PES1: variants seen among roughly 807,000 people sequenced by gnomAD.
PES1 encodes pescadillo ribosomal biogenesis factor 1.
Under a neutral mutation model 77.1 loss-of-function variants are expected in PES1, and 31 were observed. That is an observed-to-expected ratio of 0.40 (90% confidence interval 0.30 to 0.54). PES1 has a LOEUF of 0.54. Among genes scored for constraint, PES1 ranks in the 20% least tolerant of loss-of-function variants. PES1 has a pLI of 0.45. For missense variants in PES1, 658 were observed against 771.7 expected, an observed-to-expected ratio of 0.85 and a Z score of 1.75; for synonymous variants, 282 against 303.0, an observed-to-expected ratio of 0.93 and a Z score of 0.72.
intron 2 of PES1, among the ~76,000 whole-genome samples, chr22:30,600,226 T>A (rs1723290532): frequency 6.6e-6 from 1 of 151,344 alleles, no homozygotes; most frequent in Non-Finnish European, 1.5e-5. Flanking sequence ...CCCAGCTACT[T>A]GGGAGGATGA....
At position 30,577,036 on chromosome 22, in the gene PES1, C is replaced by T; in HGVS notation, c.*10G>A. On this transcript the variant is annotated 3_prime_UTR_variant, in exon 15 of 15. Transcript: ENST00000354694. ...GGGCTGGCCTCAGCCCTGTGAGGGG[C>T]CGCAGGCACTCACTCCGGCCTTGCC... The T allele has an allele frequency of 6.2e-7, 1 of 1,610,648 alleles. No homozygotes were observed. Among genetic ancestry groups the T allele is most frequent in the African/African-American group, 1.3e-5 (1 of 74,984 alleles).
At chr22:30,594,419 C>A (rs1052380797), upstream of PES1, among the ~76,000 whole-genome samples, 4 of 151,954 alleles carry the variant, frequency 2.6e-5, no homozygotes, top group Non-Finnish European at 5.9e-5. Context: ...ACCAGCGAGG[C>A]CAAGGCAGAA....
upstream of PES1, chr22:30,592,493 T>C (rs1334293271): frequency 1.2e-6 from 1 of 824,618 alleles, no homozygotes; most frequent in African/African-American, 1.8e-5. Context: ...GGACTCGTGG[T>C]ATATTTAAAA....
upstream of PES1, among the ~76,000 whole-genome samples, chr22:30,595,997 G>C (rs1262056940): frequency 6.6e-6 from 1 of 152,164 alleles, no homozygotes; most frequent in African/African-American, 2.4e-5. Flanking sequence ...AAACCACATG[G>C]AAAGTTCAAA....
At chr22:30,580,433 T>C in intron 10 of PES1, 138 bp downstream of exon 10, 1 of 1,226,774 alleles carries the variant, frequency 8.2e-7, no homozygotes, top group Non-Finnish European at 1.2e-6. Flanking sequence ...CTCAGTGCGG[T>C]GCCGAGCACT....
chr22:30,596,351 T>C (rs931887077), upstream of PES1, among the ~76,000 whole-genome samples: 6 of 151,952 alleles, frequency 3.9e-5, no homozygotes, highest in Non-Finnish European at 8.8e-5. Context: ...TGTGTGTGTG[T>C]GTGTGCGTGT....
At chr22:30,581,728 G>A in intron 6 of PES1, 84 bp from the exon 7 acceptor site, 9 of 939,000 alleles carry the variant, frequency 9.6e-6, no homozygotes, top group Non-Finnish European at 1.5e-5. Flanking sequence ...AGTGGAGGGT[G>A]TCTGACCTAC....
rs764097051 is a variant in PES1 at position 30,587,444 on chromosome 22, GACA to G, written c.259-52_259-50del. 4 of 1,411,002 alleles carry G rather than the reference GACA, an allele frequency of 2.8e-6. No individual in the cohort carries two copies. The East Asian group carries it at 9.1e-5, about 32-fold the overall frequency. 87.4% of individuals were successfully genotyped at this position (1,411,002 alleles called of 1,614,324 possible). On this transcript the variant is annotated intron_variant, in intron 3 of 14. Transcript: ENST00000354694. ...TCAATGCTGAGGCTCAGGTCTCCTG[GACA>G]ACTTCTTCCATGGAAGATGGAAACG...
Position 30,600,541 on chromosome 22 carries a change from G to C in PES1, c.-661+4920C>G, listed in dbSNP as rs1602030496. ...CTATTAAATATAAAAATAAGGCCAG[G>C]TGTGGTGGCTCATGCCTGTAATCCC... On this transcript the variant is annotated intron_variant, in intron 2 of 16. Transcript: ENST00000402281. Among the ~76,000 whole-genome samples, 5 of 152,284 alleles carry C rather than the reference G, an allele frequency of 3.3e-5. No individual in the cohort carries two copies. The South Asian group carries it at 1.0e-3, about 32-fold the overall frequency.
intron 2 of PES1, among the ~76,000 whole-genome samples, chr22:30,603,271 C>G (rs1179970109): frequency 1.3e-5 from 2 of 152,090 alleles, no homozygotes; most frequent in Non-Finnish European, 2.9e-5. Context: ...TACCAGTCAT[C>G]CAGTGACCAC....
intron 6 of PES1, among the ~76,000 whole-genome samples, chr22:30,582,305 C>T (rs541506175): frequency 1.3e-4 from 20 of 152,330 alleles, no homozygotes; most frequent in Admixed American, 1.2e-3. Flanking sequence ...CTCCTTGGGC[C>T]CAAGCCAGGT....
At position 30,578,987 on chromosome 22, in the gene PES1, C is replaced by A; in HGVS notation, c.1533G>T (p.Val511=). The A allele has an allele frequency of 1.2e-6, 2 of 1,610,978 alleles. No homozygotes were observed. Among genetic ancestry groups the A allele is most frequent in the Middle Eastern group, 1.7e-4 (1 of 6,052 alleles). Reference sequence around the variant, plus strand: ...CCTCCAGCTTCAAGGTGCCTGCCATCACCCTGGGCTTCTGGGGACACAAGG... The same window carrying A: ...CCTCCAGCTTCAAGGTGCCTGCCATAACCCTGGGCTTCTGGGGACACAAGG... ...EQRMEGKKPR[V]MAGTLKLEDK... Residue 511 remains valine (V), a synonymous_variant, in exon 14 of 15, where the codon GTG becomes GTT. Transcript: ENST00000354694.
intron 2 of PES1, among the ~76,000 whole-genome samples, chr22:30,598,104 C>T (rs550113936): frequency 4.6e-5 from 7 of 152,184 alleles, no homozygotes; most frequent in East Asian, 3.9e-4. Context: ...GGGATGGTCT[C>T]GATCGCAGTT....
rs571173069 is a variant in PES1 at position 30,603,220 on chromosome 22, T to C, written c.-661+2241A>G. 2.0e-5 allele frequency among the ~76,000 whole-genome samples: 3 copies of C among 151,728 alleles called. No homozygotes were observed. In the East Asian group the frequency reaches 5.9e-4, roughly 30 times the overall value. ...GCCACTGCGCCCAGCCACTTGAAAG[T>C]AATTTTAAACTCACAGGCCCCCTAA... On this transcript the variant is annotated intron_variant, in intron 2 of 16. Transcript: ENST00000402281.
At chr22:30,599,774 C>T (rs1219734339) in intron 2 of PES1, among the ~76,000 whole-genome samples, 3 of 152,112 alleles carry the variant, frequency 2.0e-5, no homozygotes, top group Non-Finnish European at 4.4e-5. Flanking sequence ...GTGGTACATG[C>T]CTGTAATCAC....
intron 2 of PES1, among the ~76,000 whole-genome samples, chr22:30,598,085 G>A (rs561064930): frequency 2.0e-5 from 3 of 151,992 alleles, no homozygotes; most frequent in African/African-American, 4.8e-5. Context: ...GGGTTTCACC[G>A]TTTTAGCCGG....
chr22:30,596,519 A>T (rs1044114210), upstream of PES1, among the ~76,000 whole-genome samples: 9 of 152,218 alleles, frequency 5.9e-5, no homozygotes, highest in Non-Finnish European at 1.2e-4. Context: ...AAAAGATTTT[A>T]AAAATCAAAC....
chr22:30,604,974 A>G (rs1044500813), intron 2 of PES1, among the ~76,000 whole-genome samples: 1 of 152,104 alleles, frequency 6.6e-6, no homozygotes, highest in African/African-American at 2.4e-5. Flanking sequence ...ACCCCTGACC[A>G]GTCACTCTAT....
rs746680670 is a variant in PES1, at chr22:30,584,731, G to A, written c.369-14C>T. On this transcript the variant is annotated splice_polypyrimidine_tract_variant and intron_variant, in intron 4 of 14. Transcript: ENST00000354694. ...AACGTGGGATACCTGCATGGCCAGT[G>A]AGGCAGCACATGGGGCCTGTTCAGC... 1.2e-6 allele frequency: 2 copies of A among 1,612,964 alleles called. No individual in the cohort carries two copies. Among genetic ancestry groups the A allele is most frequent in the Non-Finnish European group, 1.7e-6 (2 of 1,179,802 alleles).
Sources: gnomAD v4.1 joint callset for allele counts (sites outside exome capture counted in the v4.1 genomes callset) on GRCh38, gnomAD v4.1.1 for gene constraint, MANE v1.5 for transcripts, NCBI Gene and HGNC (gene_info 2026-07-23, HGNC 2026-07-21) for gene names.